Variants in WIPI2 observed in about 807,000 individuals in gnomAD.
WIPI2 encodes the protein WD repeat domain phosphoinositide-interacting protein 2.
In WIPI2, 28 loss-of-function variants were observed where a neutral mutation model predicts 52.3. The ratio of observed to expected loss-of-function variants is 0.54; its 90% CI spans 0.40 to 0.73. The LOEUF (loss-of-function observed/expected upper bound fraction) is 0.73, where lower values mean the gene tolerates loss of function less well. Ranked by LOEUF, WIPI2 falls within the 30% of genes least tolerant of loss-of-function variation. The pLI, the probability that WIPI2 is intolerant of heterozygous loss-of-function variation, is 0.00. For missense variants in WIPI2, 506 were observed against 602.9 expected (o/e 0.84, Z 1.68); for synonymous variants, 268 against 245.0 (o/e 1.09, Z -0.88).
chr7:5,228,256 G>A, intron 11 of WIPI2, 45 bp downstream of exon 11: 1 of 1,508,406 alleles, frequency 6.6e-7, no homozygotes. Context: ...CGTGCTGGCG[G>A]GGGGCTTTCG....
intron 3 of WIPI2, among the ~76,000 whole-genome samples, chr7:5,206,526 A>G (rs1370669628): frequency 6.6e-6 from 1 of 152,150 alleles, no homozygotes; most frequent in African/African-American, 2.4e-5. Context: ...GCTTTTTCTC[A>G]TTAACATTTT....
Position 5,191,521 on chromosome 7 carries a change from C to T in WIPI2, c.74+1028C>T, listed in dbSNP as rs115724396. ...AGGCCTTAATGCCAGCCCGTGCATT[C>T]GGAACGCTGTTTGTCCCCACTGATA... On this transcript the variant is annotated intron_variant, in intron 1 of 12. Coordinates refer to ENST00000288828, the MANE Select transcript of WIPI2 (RefSeq NM_015610.4). Among the ~76,000 whole-genome samples, 565 of 152,214 alleles carry T rather than the reference C, an allele frequency of 3.7e-3. 6 individuals are homozygous for T. Among genetic ancestry groups the T allele is most frequent in the African/African-American group, 0.013 (530 of 41,512 alleles).
At chr7:5,220,229 TCTG>T (rs1783041483) in intron 7 of WIPI2, among the ~76,000 whole-genome samples, 1 of 143,442 alleles carries the variant, frequency 7.0e-6, no homozygotes, top group African/African-American at 2.6e-5. Flanking sequence ...ACTTAGGTCA[TCTG>T]CTGCTTTTTG....
chr7:5,215,510 C>T lies in WIPI2; in HGVS notation c.381+806C>T, dbSNP rs118039796. 1.9e-3 allele frequency among the ~76,000 whole-genome samples: 288 copies of T among 152,356 alleles called. 2 individuals carry two copies. In the East Asian group the frequency reaches 0.044, roughly 23 times the overall value. ...CAGCTTGTGCTCACGCCCAGGGTAA[C>T]AGCACCACCCGGGAGACCCCTGGCA... On this transcript the variant is annotated intron_variant, in intron 4 of 12. Transcript: ENST00000288828.
At chr7:5,217,768 T>C in intron 6 of WIPI2, 154 bp from the exon 7 acceptor site, 1 of 719,218 alleles carries the variant, frequency 1.4e-6, no homozygotes, top group Non-Finnish European at 2.5e-6. Context: ...TTTCCTTGGA[T>C]GCCCAGCCCC....
chr7:5,228,005 T>C, intron 10 of WIPI2, 99 bp from the exon 11 acceptor site: 1 of 1,099,772 alleles, frequency 9.1e-7, no homozygotes, highest in African/African-American at 1.5e-5. Flanking sequence ...CTCATCTTGC[T>C]GGGGTCTCTT....
chr7:5,194,511 T>C (rs996812316), intron 2 of WIPI2, among the ~76,000 whole-genome samples: 13 of 152,258 alleles, frequency 8.5e-5, no homozygotes, highest in African/African-American at 3.1e-4. Context: ...TTTAAATTCA[T>C]TGACGGAGAC....
At chr7:5,198,919 A>G (rs1200166477) in intron 2 of WIPI2, among the ~76,000 whole-genome samples, 1 of 152,192 alleles carries the variant, frequency 6.6e-6, no homozygotes, top group Non-Finnish European at 1.5e-5. Flanking sequence ...CCTTTTTGTG[A>G]CAAGCACACT....
At position 5,222,976 on chromosome 7, in the gene WIPI2, G is replaced by A. The variant is rs534933039; in HGVS notation, c.740+304G>A. 1.2e-4 allele frequency among the ~76,000 whole-genome samples: 18 copies of A among 152,314 alleles called. No homozygotes were observed. In the South Asian group the frequency reaches 3.1e-3, roughly 26 times the overall value. ...CCCAGCCTGCTGTAAGGGACGGGGC[G>A]GCGACGTCATGGGTAGCACACCCTC... On this transcript the variant is annotated intron_variant, in intron 8 of 12. Coordinates refer to ENST00000288828, the MANE Select transcript of WIPI2 (RefSeq NM_015610.4).
At chr7:5,221,563 C>A (rs1200367777) in intron 7 of WIPI2, among the ~76,000 whole-genome samples, 3 of 152,230 alleles carry the variant, frequency 2.0e-5, no homozygotes, top group South Asian at 4.1e-4. Flanking sequence ...TGATAGTATT[C>A]TTTTAATATT....
chr7:5,230,476 C>T lies in WIPI2; in HGVS notation c.1253-359C>T, dbSNP rs1373519699. On this transcript the variant is annotated intron_variant, in intron 12 of 12. Transcript: ENST00000288828. The surrounding 1 kb of genome is among the most constrained non-coding windows in gnomAD (Gnocchi z 4.8). The stretch of plus-strand genomic sequence containing the variant: ...CTCGCTGCCACTCCCATCTGTGAAC[C>T]GGCACTTCCAGTTCATGAGCCCACC... Among the ~76,000 whole-genome samples the T allele has an allele frequency of 5.9e-5, 9 of 152,206 alleles. No homozygotes were observed. In the East Asian group the frequency reaches 1.2e-3, roughly 20 times the overall value.
In WIPI2 at chr7:5,190,310, TGGCGGCGACCGA is replaced by T. The variant is rs1781409413; in HGVS notation, c.-101_-90del. The T allele has an allele frequency of 4.7e-6, 3 of 634,770 alleles. No individual in the cohort carries two copies. The highest frequency in any genetic ancestry group is 1.5e-4 in the South Asian group (2 of 13,098). The allele number at this position is 634,770 out of a possible 1,614,324, so 39.3% of individuals were successfully genotyped here. A position where few individuals can be genotyped will look rare whatever the true frequency, so the allele number is the denominator to read the frequency against. On this transcript the variant is annotated 5_prime_UTR_variant, in exon 1 of 13. Transcript: ENST00000288828. ...CGGCGGTTGATCCCAGGGTGGCGAG[TGGCGGCGACCGA>T]GGCGGCGAGCGGGGCCCGGCGCCGA...
chr7:5,215,311 CA>C (rs539142004), intron 4 of WIPI2, among the ~76,000 whole-genome samples: 6 of 149,484 alleles, frequency 4.0e-5, no homozygotes, highest in South Asian at 2.1e-4. Context: ...GACTTCGTCT[CA>C]AAAAAAAAAC....
intron 3 of WIPI2, among the ~76,000 whole-genome samples, chr7:5,202,022 C>G (rs1782051187): frequency 6.6e-6 from 1 of 151,682 alleles, no homozygotes; most frequent in Non-Finnish European, 1.5e-5. Flanking sequence ...AGATTGTTTT[C>G]TAGCATTTTT....
chr7:5,200,358 G>C (rs1781961761), intron 3 of WIPI2, among the ~76,000 whole-genome samples: 1 of 152,136 alleles, frequency 6.6e-6, no homozygotes, highest in Non-Finnish European at 1.5e-5. Flanking sequence ...TTTTAATTAA[G>C]ATAGTTATGG....
At chr7:5,203,211 A>G (rs1366835403) in intron 3 of WIPI2, among the ~76,000 whole-genome samples, 1 of 152,202 alleles carries the variant, frequency 6.6e-6, no homozygotes, top group Admixed American at 6.6e-5. Flanking sequence ...CTTATTTGAC[A>G]GGCAGTGCAC....
Position 5,192,730 on chromosome 7 carries a change from A to G in WIPI2, c.75-388A>G, listed in dbSNP as rs191624208. ...TGACGGTAATTTGTTTTAAATCTAC[A>G]CTTGAAAGAAATAGAGAAGTTCCCG... On this transcript the variant is annotated intron_variant, in intron 1 of 12. Transcript: ENST00000288828. Among the ~76,000 whole-genome samples the G allele has an allele frequency of 1.9e-4, 29 of 152,368 alleles. No individual in the cohort carries two copies. In the East Asian group the frequency reaches 5.6e-3, roughly 29 times the overall value.
In WIPI2 at chr7:5,231,361, G is replaced by A. The variant is rs1783717368; in HGVS notation, c.*414G>A. On this transcript the variant is annotated 3_prime_UTR_variant, in exon 13 of 13. Transcript: ENST00000288828. ...TAAGGAAACCGTGGCGTCGCGCACA[G>A]TGGGTCTGCTTGTCAAGGCCAGTTC... 1 of 157,392 alleles carries A rather than the reference G, an allele frequency of 6.4e-6. No homozygotes were observed. Among genetic ancestry groups the A allele is most frequent in the East Asian group, 1.9e-4 (1 of 5,360 alleles). 9.7% of individuals were successfully genotyped at this position (157,392 alleles called of 1,614,324 possible).
rs1248373024 is a variant in WIPI2 at position 5,227,971 on chromosome 7, C to G, written c.1014-133C>G. 7.3e-6 allele frequency: 6 copies of G among 827,012 alleles called. No individual in the cohort carries two copies. The highest frequency in any genetic ancestry group is 1.0e-5 in the Non-Finnish European group (5 of 499,146). The allele number at this position is 827,012 out of a possible 1,614,324, so 51.2% of individuals were successfully genotyped here. A position where few individuals can be genotyped will look rare whatever the true frequency, so the allele number is the denominator to read the frequency against. On this transcript the variant is annotated intron_variant, in intron 10 of 12. Transcript: ENST00000288828. This position sits in a 1 kb window ranked among gnomAD's most constrained non-coding sequence, Gnocchi z 8.1. ...GTGTGAGCCGAGGTCAGTGGGGCGCCAGACACCTGCAGCTGCCCTTGTGCT... is the reference window on the plus strand; with the variant it reads ...GTGTGAGCCGAGGTCAGTGGGGCGCGAGACACCTGCAGCTGCCCTTGTGCT...
Sources: allele counts gnomAD v4.1 joint callset (sites outside exome capture counted in the v4.1 genomes callset), GRCh38; gene constraint gnomAD v4.1.1; non-coding constraint Gnocchi (gnomAD v3.1); transcripts MANE v1.5; gene names NCBI Gene and HGNC (gene_info 2026-07-23, HGNC 2026-07-21).